AP3M2: variants seen among roughly 807,000 people sequenced by gnomAD.
AP3M2 encodes the protein AP-3 complex subunit mu-2.
In AP3M2, 28 loss-of-function variants were observed where a neutral mutation model predicts 41.6. The observed-to-expected ratio is 0.67, with a 90% CI of 0.50 to 0.92. The LOEUF (loss-of-function observed/expected upper bound fraction) is 0.92. AP3M2 is among the 40% of genes least tolerant of loss of function. The pLI is 0.00. For missense variants in AP3M2, 427 were observed against 521.4 expected, an observed-to-expected ratio of 0.82 and a Z score of 1.76; for synonymous variants, 193 against 186.4, an observed-to-expected ratio of 1.04 and a Z score of -0.29.
intron 4 of AP3M2, among the ~76,000 whole-genome samples, chr8:42,164,522 A>G (rs774493048): frequency 1.3e-5 from 2 of 152,168 alleles, no homozygotes; most frequent in Non-Finnish European, 2.9e-5. Context: ...AAGAAAGAGA[A>G]CCTGCCGAAG....
rs1804761318 is a variant in AP3M2, at chr8:42,170,238, C to T, written c.*1177C>T. The stretch of plus-strand genomic sequence containing the variant: ...CTGCTTGGTAAAGTTATCATTTCCT[C>T]AGTCTTTTCTTTTGTACTCCTATCA... On this transcript the variant is annotated 3_prime_UTR_variant, in exon 9 of 9. Transcript: ENST00000396926. 6.6e-6 allele frequency: 1 copy of T among 152,344 alleles called. No homozygotes were observed. The highest frequency in any genetic ancestry group is 1.5e-5 in the Non-Finnish European group (1 of 68,044). 9.4% of individuals were successfully genotyped at this position (152,344 alleles called of 1,614,324 possible).
rs1174550462 is a variant in AP3M2 at position 42,154,713 on chromosome 8, A to G, written c.26A>G (p.Asn9Ser). Residue 9 changes from asparagine to serine, a missense_variant, in exon 2 of 9, where the codon AAC becomes AGC. Physicochemically the swap from Asn to Ser is conservative, Grantham distance 46. Transcript: ENST00000396926. ...ATGATCCATAGTCTTTTCTTGATCA[A>G]CTCCTCTGGAGACATTTTCCTGGAG... MIHSLFLI[N>S]SSGDIFLEKH... 3 of 1,613,862 alleles carry G rather than the reference A, an allele frequency of 1.9e-6. No individual in the cohort carries two copies. Among genetic ancestry groups the G allele is most frequent in the East Asian group, 2.2e-5 (1 of 44,882 alleles).
At chr8:42,160,412 T>C (rs1804478267) in intron 3 of AP3M2, among the ~76,000 whole-genome samples, 1 of 152,180 alleles carries the variant, frequency 6.6e-6, no homozygotes, top group Non-Finnish European at 1.5e-5. Context: ...GACCAGGGGC[T>C]GGTTGTTAAC....
intron 4 of AP3M2, among the ~76,000 whole-genome samples, chr8:42,163,828 T>C (rs1804571650): frequency 6.6e-6 from 1 of 152,170 alleles, no homozygotes; most frequent in South Asian, 2.1e-4. Context: ...ATTTAAAAAT[T>C]CATTGAGCTG....
intron 2 of AP3M2, among the ~76,000 whole-genome samples, chr8:42,157,211 T>C (rs1804377944): frequency 6.6e-6 from 1 of 152,218 alleles, no homozygotes; most frequent in Non-Finnish European, 1.5e-5. Flanking sequence ...CGTTAGTGTT[T>C]AATTAGTCAT....
intron 4 of AP3M2, among the ~76,000 whole-genome samples, chr8:42,164,089 A>G (rs1804577346): frequency 6.6e-6 from 1 of 152,180 alleles, no homozygotes; most frequent in Non-Finnish European, 1.5e-5. Flanking sequence ...CCAGGCCCAA[A>G]ACATAGATGT....
chr8:42,169,154 G>C lies in AP3M2; in HGVS notation c.*93G>C. 1 of 1,052,294 alleles carries C rather than the reference G, an allele frequency of 9.5e-7. No individual in the cohort carries two copies. Among genetic ancestry groups the C allele is most frequent in the South Asian group, 1.6e-5 (1 of 62,146 alleles). The allele number at this position is 1,052,294 out of a possible 1,614,324, so 65.2% of individuals were successfully genotyped here. On this transcript the variant is annotated 3_prime_UTR_variant, in exon 9 of 9. Transcript: ENST00000396926. The stretch of plus-strand genomic sequence containing the variant: ...AAATATCAGCCTGTCTCCTAGGTCA[G>C]TCCCCTCCTGGACCCACCCGCTCCC...
chr8:42,162,482 T>A (rs946435873), intron 4 of AP3M2, 64 bp downstream of exon 4: 9 of 1,520,500 alleles, frequency 5.9e-6, no homozygotes, highest in Non-Finnish European at 8.0e-6. Flanking sequence ...CATATAATGC[T>A]TGTAGTTTCA....
intron 6 of AP3M2, 161 bp downstream of exon 6, chr8:42,165,721 A>G (rs1034597448): frequency 4.2e-5 from 29 of 690,390 alleles, no homozygotes; most frequent in East Asian, 8.0e-5. Context: ...CTTAACCCCT[A>G]TGTATCTCTT....
At chr8:42,166,309 C>T (rs1804635505) in intron 6 of AP3M2, among the ~76,000 whole-genome samples, 4 of 152,100 alleles carry the variant, frequency 2.6e-5, no homozygotes, top group Admixed American at 2.6e-4. Context: ...GAGGATTAAA[C>T]ACGGTAGGAG....
intron 6 of AP3M2, chr8:42,165,799 G>T (rs1804624666): frequency 2.3e-6 from 1 of 440,548 alleles, no homozygotes; most frequent in Non-Finnish European, 4.0e-6. Context: ...AATCTGAATA[G>T]TGCTTAACAC....
At position 42,170,061 on chromosome 8, in the gene AP3M2, T is replaced by G. The variant is rs376012407; in HGVS notation, c.*1000T>G. 6.6e-6 allele frequency: 1 copy of G among 152,210 alleles called. No individual in the cohort carries two copies. The highest frequency in any genetic ancestry group is 1.5e-5 in the Non-Finnish European group (1 of 68,076). 9.4% of individuals were successfully genotyped at this position (152,210 alleles called of 1,614,324 possible). ...AGAGGGCCGACTCTTCCCATGAAGGTGAGCACAGCTGTGAGTGAGTGAGCT... is the reference window on the plus strand; with the variant it reads ...AGAGGGCCGACTCTTCCCATGAAGGGGAGCACAGCTGTGAGTGAGTGAGCT... On this transcript the variant is annotated 3_prime_UTR_variant, in exon 9 of 9. Coordinates refer to ENST00000396926, the MANE Select transcript of AP3M2 (RefSeq NM_006803.4).
chr8:42,164,436 TA>T (rs1249760160), intron 4 of AP3M2, among the ~76,000 whole-genome samples: 1 of 152,022 alleles, frequency 6.6e-6, no homozygotes, highest in Non-Finnish European at 1.5e-5. Flanking sequence ...GGGAAGTAGG[TA>T]AAATAACCCA....
At chr8:42,163,101 A>G (rs528895445) in intron 4 of AP3M2, among the ~76,000 whole-genome samples, 6 of 152,298 alleles carry the variant, frequency 3.9e-5, no homozygotes, top group Admixed American at 1.3e-4. Flanking sequence ...TGAATTAGGT[A>G]AATATGACTA....
At chr8:42,158,218 G>T in intron 3 of AP3M2, 106 bp downstream of exon 3, 3 of 1,157,816 alleles carry the variant, frequency 2.6e-6, no homozygotes, top group South Asian at 1.7e-5. Context: ...GATCTCAGGT[G>T]TCCCAGTGCT....
In AP3M2 at chr8:42,163,554, A is replaced by G. The variant is rs549870833; in HGVS notation, c.583+1136A>G. 9.8e-5 allele frequency among the ~76,000 whole-genome samples: 15 copies of G among 152,338 alleles called. No individual in the cohort carries two copies. The East Asian group carries it at 2.3e-3, about 23-fold the overall frequency. On this transcript the variant is annotated intron_variant, in intron 4 of 8. Coordinates refer to ENST00000396926, the MANE Select transcript of AP3M2 (RefSeq NM_006803.4). ...GGGGGTGTTTATGCTTCATCAGTGGATTGAAATGAAGTTATTAAGATGTGT... is the reference window on the plus strand; with the variant it reads ...GGGGGTGTTTATGCTTCATCAGTGGGTTGAAATGAAGTTATTAAGATGTGT...
intron 3 of AP3M2, among the ~76,000 whole-genome samples, chr8:42,161,509 T>C (rs1804505054): frequency 6.6e-6 from 1 of 152,152 alleles, no homozygotes; most frequent in Non-Finnish European, 1.5e-5. Context: ...CTCGGGAGGC[T>C]GAGGCAGGAG....
intron 2 of AP3M2, among the ~76,000 whole-genome samples, chr8:42,156,582 G>A (rs1405553062): frequency 6.6e-6 from 1 of 152,006 alleles, no homozygotes; most frequent in Non-Finnish European, 1.5e-5. Context: ...ATCACTTTTG[G>A]GAAGGAAATG....
chr8:42,162,901 A>G (rs752058583), intron 4 of AP3M2, among the ~76,000 whole-genome samples: 22 of 142,108 alleles, frequency 1.5e-4, no homozygotes, highest in Non-Finnish European at 3.0e-4. Flanking sequence ...AGCCCTGATC[A>G]TGACACTGCA....
Sources: gnomAD v4.1 joint callset for allele counts (sites outside exome capture counted in the v4.1 genomes callset) on GRCh38, gnomAD v4.1.1 for gene constraint, MANE v1.5 for transcripts, NCBI Gene and HGNC (gene_info 2026-07-23, HGNC 2026-07-21) for gene names.